KLF8: variants seen among roughly 807,000 people sequenced by gnomAD.
KLF8 encodes Krueppel-like factor 8.
A neutral mutation model predicts 18.2 loss-of-function variants in KLF8; 10 were observed. The ratio of observed to expected loss-of-function variants is 0.55; its 90% CI spans 0.34 to 0.93. The LOEUF (loss-of-function observed/expected upper bound fraction) is 0.93. Ranked by LOEUF, KLF8 falls within the 40% of genes least tolerant of loss-of-function variation. The pLI is 0.02. For missense variants in KLF8, 264 were observed against 277.9 expected, an observed-to-expected ratio of 0.95 and a Z score of 0.36; for synonymous variants, 109 against 97.3, an observed-to-expected ratio of 1.12 and a Z score of -0.71.
At chrX:56,215,822 C>G in the KLF8 span, among the ~76,000 whole-genome samples, 1 of 31,392 alleles carries the variant, frequency 3.2e-5, no homozygotes, top group Admixed American at 6.3e-4. Context: ...GACTCTGTCT[C>G]AAAAAAAAAA....
At chrX:56,274,135 C>T (rs1212153162) in intron 5 of KLF8, among the ~76,000 whole-genome samples, 1 of 111,946 alleles carries the variant, frequency 8.9e-6, no homozygotes, top group African/African-American at 3.2e-5. Flanking sequence ...TATATTCCCA[C>T]CAACAGTATA....
chrX:56,146,822 A>T, the KLF8 span, among the ~76,000 whole-genome samples: 1 of 112,424 alleles, frequency 8.9e-6, no homozygotes, highest in Non-Finnish European at 1.9e-5. Context: ...AACATTATCT[A>T]AAACAATTCT....
chrX:55,912,002 A>G, the KLF8 span, among the ~76,000 whole-genome samples: 3 of 111,773 alleles, frequency 2.7e-5, no homozygotes, highest in Non-Finnish European at 5.6e-5. Context: ...CACAGCTTGG[A>G]AGATGGATTT....
At chrX:56,024,681 C>T in the KLF8 span, among the ~76,000 whole-genome samples, 1 of 111,639 alleles carries the variant, frequency 9.0e-6, no homozygotes, top group African/African-American at 3.3e-5. Context: ...CTGCATGCAC[C>T]GGTAATCAGA....
chrX:56,034,299 A>T, the KLF8 span, among the ~76,000 whole-genome samples: 1,375 of 111,985 alleles, frequency 0.012, 9 homozygotes, highest in African/African-American at 0.042. Context: ...TATTATTGGC[A>T]TCTTTGTCAA....
At chrX:56,159,200 C>A in the KLF8 span, among the ~76,000 whole-genome samples, 2 of 111,920 alleles carry the variant, frequency 1.8e-5, no homozygotes, top group South Asian at 7.5e-4. Context: ...TATTGATTTG[C>A]GTATTTTGAA....
Position 56,265,211 on chromosome X carries a change from C to T in KLF8, c.113C>T (p.Pro38Leu). ...VTASVRNRDPPEIEYRSNMTS... is the reference protein window; with the variant it reads ...VTASVRNRDPLEIEYRSNMTS... ...GCTTCTGTTCGGAACAGAGATCCCC[C>T]TGAGATAGAATACAGAAGTAATATG... Residue 38 changes from proline (P) to leucine (L), a missense_variant, in exon 3 of 6, where the codon CCT becomes CTT. Transcript: ENST00000468660. The T allele has an allele frequency of 8.3e-7, 1 of 1,206,902 alleles. No individual in the cohort carries two copies.
the KLF8 span, among the ~76,000 whole-genome samples, chrX:56,204,593 A>G: frequency 9.0e-6 from 1 of 110,509 alleles, no homozygotes; most frequent in Non-Finnish European, 1.9e-5. Context: ...GAGGTATGTT[A>G]CTTGTTTCCC....
chrX:56,091,528 G>A, the KLF8 span, among the ~76,000 whole-genome samples: 2 of 110,856 alleles, frequency 1.8e-5, no homozygotes, highest in African/African-American at 6.6e-5. Flanking sequence ...ACAGAGTCTT[G>A]CTCTGTCACC....
intron 1 of KLF8, among the ~76,000 whole-genome samples, chrX:56,233,618 C>T (rs1027763151): frequency 9.0e-6 from 1 of 111,728 alleles, no homozygotes; most frequent in Non-Finnish European, 1.9e-5. Flanking sequence ...AGTCTAGTCT[C>T]CCCTGGCTCG....
the KLF8 span, among the ~76,000 whole-genome samples, chrX:56,199,336 C>T: frequency 9.0e-6 from 1 of 111,721 alleles, no homozygotes; most frequent in Admixed American, 9.5e-5. Context: ...TTGCAATCTA[C>T]CCATCTGAAA....
chrX:55,960,389 G>A, the KLF8 span, among the ~76,000 whole-genome samples: 22 of 111,288 alleles, frequency 2.0e-4, no homozygotes, highest in East Asian at 8.5e-4. Flanking sequence ...GGTGGTGCAC[G>A]CCTATAATCT....
At chrX:56,075,364 AT>A in the KLF8 span, among the ~76,000 whole-genome samples, 31 of 110,261 alleles carry the variant, frequency 2.8e-4, no homozygotes, top group African/African-American at 8.5e-4. Flanking sequence ...AGCTTTTTAA[AT>A]TTTTTTTATT....
the KLF8 span, among the ~76,000 whole-genome samples, chrX:56,080,277 T>C: frequency 1.2e-4 from 13 of 111,461 alleles, no homozygotes; most frequent in East Asian, 2.8e-4. Context: ...GATTTTGCAG[T>C]GGCTGGTACC....
At chrX:56,159,336 G>A in the KLF8 span, among the ~76,000 whole-genome samples, 5 of 111,784 alleles carry the variant, frequency 4.5e-5, no homozygotes, top group South Asian at 3.7e-4. Flanking sequence ...AGGGATATTG[G>A]CCTAAAATTC....
the KLF8 span, among the ~76,000 whole-genome samples, chrX:55,916,302 C>T: frequency 1.8e-5 from 2 of 111,883 alleles, no homozygotes; most frequent in Non-Finnish European, 3.8e-5. Flanking sequence ...CTTGTGTTCT[C>T]TTGGAAGTTT....
chrX:56,196,433 T>TGGC, the KLF8 span, among the ~76,000 whole-genome samples: 4 of 107,883 alleles, frequency 3.7e-5, no homozygotes, highest in Non-Finnish European at 5.9e-5. Flanking sequence ...ATAAATAAAA[T>TGGC]AGGAGTTGCA....
At chrX:56,238,151 T>C in intron 1 of KLF8, among the ~76,000 whole-genome samples, 1 of 111,740 alleles carries the variant, frequency 8.9e-6, no homozygotes, top group Non-Finnish European at 1.9e-5. Flanking sequence ...GTTGGTTGAT[T>C]GCCAATATTT....
the KLF8 span, among the ~76,000 whole-genome samples, chrX:56,160,261 T>G: frequency 8.9e-6 from 1 of 112,068 alleles, no homozygotes. Flanking sequence ...AGACAGTTTG[T>G]TATAATTTCT....
Sources: allele counts gnomAD v4.1 joint callset (sites outside exome capture counted in the v4.1 genomes callset), GRCh38; gene constraint gnomAD v4.1.1; transcripts MANE v1.5; gene names NCBI Gene and HGNC (gene_info 2026-07-23, HGNC 2026-07-21).